SLC24A3: variants seen among roughly 807,000 people sequenced by gnomAD.
The protein encoded by SLC24A3 is sodium/potassium/calcium exchanger 3.
A neutral mutation model predicts 75.8 loss-of-function variants in SLC24A3; 28 were observed. That is an observed-to-expected ratio of 0.37 (90% CI 0.27 to 0.51). The LOEUF (loss-of-function observed/expected upper bound fraction) is 0.51, where lower values mean the gene tolerates loss of function less well. Among genes scored for constraint, SLC24A3 ranks in the 20% least tolerant of loss-of-function variants. SLC24A3 has a pLI of 0.94. For synonymous variants in SLC24A3, 372 were observed against 334.1 expected (o/e 1.11, Z -1.24); for missense variants, 663 against 847.8 (o/e 0.78, Z 2.71).
At chr20:19,336,816 G>T (rs1276448283) in intron 2 of SLC24A3, among the ~76,000 whole-genome samples, 1 of 151,794 alleles carries the variant, frequency 6.6e-6, no homozygotes, top group East Asian at 1.9e-4. Context: ...TCCTCTCCTA[G>T]ACTGGGTAAA....
intron 9 of SLC24A3, among the ~76,000 whole-genome samples, chr20:19,674,996 G>A (rs999995209): frequency 1.1e-4 from 16 of 152,216 alleles, no homozygotes; most frequent in Admixed American, 9.2e-4. Context: ...GTTGCAATGA[G>A]CTGAGATCGC....
intron 2 of SLC24A3, among the ~76,000 whole-genome samples, chr20:19,298,968 G>A (rs1258931379): frequency 6.6e-6 from 1 of 152,196 alleles, no homozygotes; most frequent in African/African-American, 2.4e-5. Context: ...CACAGGAAAA[G>A]CAGTCCCCAT....
At chr20:19,422,995 A>G (rs1466812804) in intron 2 of SLC24A3, among the ~76,000 whole-genome samples, 1 of 152,242 alleles carries the variant, frequency 6.6e-6, no homozygotes, top group East Asian at 1.9e-4. Context: ...TCTGCTGATC[A>G]GTGATGCTAC....
chr20:19,507,497 C>T (rs987664065), intron 2 of SLC24A3, among the ~76,000 whole-genome samples: 2 of 152,218 alleles, frequency 1.3e-5, no homozygotes, highest in African/African-American at 4.8e-5. Context: ...TGGTATCAGT[C>T]ACTCAGGGAT....
At chr20:19,560,094 G>C (rs571835105) in intron 3 of SLC24A3, among the ~76,000 whole-genome samples, 1 of 152,182 alleles carries the variant, frequency 6.6e-6, no homozygotes, top group African/African-American at 2.4e-5. Flanking sequence ...CACAGCCCCA[G>C]GTGCAGGTAG....
chr20:19,568,180 A>G (rs1463944828), intron 3 of SLC24A3, among the ~76,000 whole-genome samples: 1 of 152,186 alleles, frequency 6.6e-6, no homozygotes, highest in Admixed American at 6.5e-5. Flanking sequence ...CATTTACACT[A>G]TAGTTAGGAA....
chr20:19,582,849 C>A (rs954742814), intron 4 of SLC24A3, among the ~76,000 whole-genome samples: 50 of 152,154 alleles, frequency 3.3e-4, no homozygotes, highest in African/African-American at 1.1e-3. Flanking sequence ...CCCCAAGGAC[C>A]ATGAGGTGGC....
At chr20:19,700,052 G>A (rs2032853444) in intron 15 of SLC24A3, among the ~76,000 whole-genome samples, 1 of 152,224 alleles carries the variant, frequency 6.6e-6, no homozygotes, top group East Asian at 1.9e-4. Context: ...GGTCAACCAT[G>A]GTTCAGGACT....
At chr20:19,517,630 C>A (rs2030021796) in intron 3 of SLC24A3, among the ~76,000 whole-genome samples, 1 of 152,228 alleles carries the variant, frequency 6.6e-6, no homozygotes, top group South Asian at 2.1e-4. Flanking sequence ...GGGCCCTACA[C>A]TTTAGAATCC....
chr20:19,247,055 C>T (rs1982512298), intron 1 of SLC24A3, among the ~76,000 whole-genome samples: 1 of 152,090 alleles, frequency 6.6e-6, no homozygotes, highest in Non-Finnish European at 1.5e-5. Context: ...AGCATTTCAA[C>T]ATAAGAAGTA....
intron 2 of SLC24A3, among the ~76,000 whole-genome samples, chr20:19,433,498 C>A (rs1987139124): frequency 6.6e-6 from 1 of 152,186 alleles, no homozygotes; most frequent in African/African-American, 2.4e-5. Context: ...GATTGTTTTG[C>A]TTCCTTTTTA....
chr20:19,389,079 AC>A (rs1221396386), intron 2 of SLC24A3, among the ~76,000 whole-genome samples: 2 of 152,212 alleles, frequency 1.3e-5, no homozygotes, highest in African/African-American at 4.8e-5. Flanking sequence ...TAATCTGATA[AC>A]AGCTTACCAT....
At chr20:19,373,042 G>T (rs1214027822) in intron 2 of SLC24A3, among the ~76,000 whole-genome samples, 1 of 144,804 alleles carries the variant, frequency 6.9e-6, no homozygotes, top group Non-Finnish European at 1.5e-5. Flanking sequence ...AAGAAAGAAA[G>T]AAATTCTTTA....
intron 3 of SLC24A3, among the ~76,000 whole-genome samples, chr20:19,539,041 A>G (rs770941919): frequency 1.3e-5 from 2 of 152,254 alleles, no homozygotes; most frequent in Non-Finnish European, 2.9e-5. Flanking sequence ...ATTAAGGTAC[A>G]AAAGCAGGCA....
intron 2 of SLC24A3, among the ~76,000 whole-genome samples, chr20:19,474,031 T>C (rs1317670699): frequency 1.3e-5 from 2 of 152,264 alleles, no homozygotes; most frequent in African/African-American, 4.8e-5. Context: ...TTAATTAAAC[T>C]GTCGGAGGAG....
chr20:19,558,208 A>G (rs1056145620), intron 3 of SLC24A3, among the ~76,000 whole-genome samples: 1 of 152,058 alleles, frequency 6.6e-6, no homozygotes, highest in Non-Finnish European at 1.5e-5. Flanking sequence ...ATAATTTTAC[A>G]CAAAGAAAAT....
At chr20:19,509,752 G>T (rs6112430) in intron 2 of SLC24A3, among the ~76,000 whole-genome samples, 2,813 of 152,358 alleles carry the variant, frequency 0.018, 79 homozygotes, top group African/African-American at 0.064. Context: ...GGCATCTGCT[G>T]TGTGCACTGC....
At chr20:19,402,537 A>C (rs1986570720) in intron 2 of SLC24A3, among the ~76,000 whole-genome samples, 1 of 152,226 alleles carries the variant, frequency 6.6e-6, no homozygotes. Flanking sequence ...GCCCAGCAAT[A>C]TTAAGCGGGC....
Position 19,346,119 on chromosome 20 carries a change from T to TATATATATG in SLC24A3, c.271+65032_271+65033insATATATATG, listed in dbSNP as rs1248136669. On this transcript the variant is annotated intron_variant, in intron 2 of 16. Coordinates refer to ENST00000328041, the MANE Select transcript of SLC24A3 (RefSeq NM_020689.4). ...TATATATATATATATGGTGTGTGTG[T>TATATATATG]GTGTGTATATATATATATGGTGTGT... 1.6e-3 allele frequency among the ~76,000 whole-genome samples: 108 copies of TATATATATG among 69,082 alleles called. 26 individuals are homozygous for TATATATATG. The highest frequency in any genetic ancestry group is 9.5e-3 in the African/African-American group (102 of 10,726). 45.3% of individuals were successfully genotyped at this position (69,082 alleles called of 152,430 possible). A position where few individuals can be genotyped will look rare whatever the true frequency, so the allele number is the denominator to read the frequency against.
Sources: allele counts gnomAD v4.1 joint callset (sites outside exome capture counted in the v4.1 genomes callset), GRCh38; gene constraint gnomAD v4.1.1; transcripts MANE v1.5; gene names NCBI Gene and HGNC (gene_info 2026-07-23, HGNC 2026-07-21).